Variants in SDK1 observed in about 807,000 individuals in gnomAD.
SDK1 encodes protein sidekick-1.
SDK1 carries 157 observed loss-of-function variants against 245.5 expected under a neutral mutation model. The observed-to-expected ratio is 0.64, with a 90% CI of 0.56 to 0.73. SDK1 has a LOEUF of 0.73. Among genes scored for constraint, SDK1 ranks in the 30% least tolerant of loss-of-function variants. The pLI is 0.00. For missense variants in SDK1, 3,583 were observed against 3,002.3 expected, an observed-to-expected ratio of 1.19 and a Z score of -4.52; for synonymous variants, 1,647 against 1,278.5, an observed-to-expected ratio of 1.29 and a Z score of -6.15.
chr7:4,054,548 A>G (rs1299067899), intron 19 of SDK1, among the ~76,000 whole-genome samples: 1 of 152,184 alleles, frequency 6.6e-6, no homozygotes, highest in Non-Finnish European at 1.5e-5. Context: ...CACAAAAATC[A>G]TCTGGGTTCC....
At chr7:3,493,668 G>A (rs1206037185) in intron 1 of SDK1, among the ~76,000 whole-genome samples, 1 of 152,148 alleles carries the variant, frequency 6.6e-6, no homozygotes, top group Non-Finnish European at 1.5e-5. Context: ...GCAATGCTAG[G>A]CCTTCTCACT....
chr7:3,378,192 C>A (rs1030521612), intron 1 of SDK1, among the ~76,000 whole-genome samples: 1 of 152,164 alleles, frequency 6.6e-6, no homozygotes, highest in Admixed American at 6.5e-5. Context: ...TCGGGGGCTA[C>A]AATTAACATT....
At chr7:4,195,998 G>T (rs1336807391) in intron 35 of SDK1, among the ~76,000 whole-genome samples, 1 of 152,190 alleles carries the variant, frequency 6.6e-6, no homozygotes, top group African/African-American at 2.4e-5. Context: ...GGAAAGCAGA[G>T]TTGAATAGTT....
chr7:3,325,520 G>C (rs1339245923), intron 1 of SDK1, among the ~76,000 whole-genome samples: 1 of 152,098 alleles, frequency 6.6e-6, no homozygotes, highest in Non-Finnish European at 1.5e-5. Context: ...AGCATGTGAA[G>C]AAGCTCTTTT....
rs139888545 is a variant in SDK1, at chr7:3,821,483, C to T, written c.747C>T (p.Leu249=). The change falls in exon 5 of 45, where the codon CTC becomes CTT. Residue 249 remains leucine (L), a synonymous_variant. Transcript: ENST00000404826. ...AITLENQLVI[L]ATTTSDAGAY... is the part of the protein sequence containing the mutation. The stretch of plus-strand genomic sequence containing the variant: ...CATTGGAGAATCAGCTGGTGATCCT[C>T]GCCACCACAACCAGTGATGCCGGGG... The T allele has an allele frequency of 3.1e-5, 50 of 1,613,450 alleles. No individual in the cohort carries two copies. The highest frequency in any genetic ancestry group is 8.9e-5 in the East Asian group (4 of 44,800).
intron 4 of SDK1, among the ~76,000 whole-genome samples, chr7:3,820,030 T>A (rs932712380): frequency 6.6e-6 from 1 of 152,218 alleles, no homozygotes; most frequent in Admixed American, 6.5e-5. Context: ...TCTAGAGACC[T>A]AAGATGTTTC....
At chr7:4,063,605 A>AAAAAAAAAAAAAAAAAAAC (rs1316706124) in intron 19 of SDK1, among the ~76,000 whole-genome samples, 6 of 151,464 alleles carry the variant, frequency 4.0e-5, no homozygotes, top group Admixed American at 1.3e-4. Flanking sequence ...AGCAAAAAAA[A>AAAAAAAAAAAAAAAAAAAC]AAAACAAAAA....
At chr7:3,897,144 G>T (rs745801033) in intron 5 of SDK1, among the ~76,000 whole-genome samples, 20 of 152,128 alleles carry the variant, frequency 1.3e-4, no homozygotes, top group Non-Finnish European at 2.6e-4. Context: ...ACAACACATG[G>T]GGATTACAAC....
At chr7:4,161,646 A>T (rs1781129345) in intron 31 of SDK1, 140 bp from the exon 32 acceptor site, 1 of 672,806 alleles carries the variant, frequency 1.5e-6, no homozygotes. Context: ...GCCCCGAGGA[A>T]GGGCAGGAGA....
At chr7:4,146,233 C>T (rs1779968260) in intron 29 of SDK1, among the ~76,000 whole-genome samples, 1 of 151,734 alleles carries the variant, frequency 6.6e-6, no homozygotes. Context: ...CACCTGCTCT[C>T]TCAGACATGT....
At chr7:3,860,835 A>G (rs570110331) in intron 5 of SDK1, among the ~76,000 whole-genome samples, 5 of 152,280 alleles carry the variant, frequency 3.3e-5, no homozygotes, top group East Asian at 3.9e-4. Flanking sequence ...TCACTAATCA[A>G]TGTGATTCCT....
chr7:3,606,463 C>T (rs1182363013), intron 1 of SDK1, among the ~76,000 whole-genome samples: 2 of 152,096 alleles, frequency 1.3e-5, no homozygotes, highest in Non-Finnish European at 2.9e-5. Context: ...TTCCATTGTC[C>T]CTTATAAGTC....
intron 38 of SDK1, among the ~76,000 whole-genome samples, chr7:4,213,740 C>A (rs1280886456): frequency 1.3e-5 from 2 of 152,198 alleles, no homozygotes; most frequent in African/African-American, 4.8e-5. Flanking sequence ...AAACCTTCCC[C>A]CTAGCCCAGT....
intron 4 of SDK1, among the ~76,000 whole-genome samples, chr7:3,737,328 G>A (rs1175133493): frequency 6.6e-5 from 10 of 152,232 alleles, no homozygotes; most frequent in African/African-American, 9.6e-5. Context: ...GTGCTCTGCC[G>A]CTAGGCAGTG....
intron 28 of SDK1, among the ~76,000 whole-genome samples, chr7:4,138,764 A>G (rs1392296483): frequency 6.7e-6 from 1 of 150,324 alleles, no homozygotes; most frequent in Non-Finnish European, 1.5e-5. Flanking sequence ...AAAAAAAGAG[A>G]GAGAAAGAAA....
Position 4,237,824 on chromosome 7 carries a change from A to T in SDK1, c.6130+40A>T, listed in dbSNP as rs1383466874. ...CCTTCCTCGCGTGTCCCACGATGCCACTCAGCCAAAACATAGCGTTCGTTC... is the reference window on the plus strand; with the variant it reads ...CCTTCCTCGCGTGTCCCACGATGCCTCTCAGCCAAAACATAGCGTTCGTTC... On this transcript the variant is annotated intron_variant, in intron 42 of 44. Transcript: ENST00000404826. 8 of 1,610,652 alleles carry T rather than the reference A, an allele frequency of 5.0e-6. No individual in the cohort carries two copies. In the South Asian group the frequency reaches 8.8e-5, roughly 18 times the overall value.
intron 22 of SDK1, among the ~76,000 whole-genome samples, chr7:4,105,081 C>G (rs1245012897): frequency 6.6e-6 from 1 of 152,126 alleles, no homozygotes; most frequent in African/African-American, 2.4e-5. Context: ...CTCCCAAGTT[C>G]AAGCAATTCT....
Position 3,951,040 on chromosome 7 carries a change from A to G in SDK1, c.959+6A>G. The G allele has an allele frequency of 6.3e-7, 1 of 1,592,450 alleles. No individual in the cohort carries two copies. On this transcript the variant is annotated splice_donor_region_variant and intron_variant, in intron 6 of 44. Coordinates refer to ENST00000404826, the MANE Select transcript of SDK1 (RefSeq NM_152744.4). ...GAATGTATAGCCAGTGCCAGGTACG[A>G]GGCGCGTCTCCTGTGAGACTCCTAG...
At chr7:3,474,078 T>C (rs1228940821) in intron 1 of SDK1, among the ~76,000 whole-genome samples, 13 of 142,780 alleles carry the variant, frequency 9.1e-5, no homozygotes, top group African/African-American at 3.1e-4. Flanking sequence ...ACTTGACATC[T>C]CTACCAGATG....
Sources: allele counts gnomAD v4.1 joint callset (sites outside exome capture counted in the v4.1 genomes callset), GRCh38; gene constraint gnomAD v4.1.1; transcripts MANE v1.5; gene names NCBI Gene and HGNC (gene_info 2026-07-23, HGNC 2026-07-21).